Variants in RRP15 observed in about 807,000 individuals in gnomAD.
RRP15 encodes the protein ribosomal RNA processing 15 homolog, also known as RRP15-like protein.
Under a neutral mutation model 27.1 loss-of-function variants are expected in RRP15, and 18 were observed. That is an observed-to-expected ratio of 0.66 (90% CI 0.46 to 0.98). The LOEUF is 0.98. Ranked by LOEUF, RRP15 falls within the 50% of genes least tolerant of loss-of-function variation. RRP15 has a pLI of 0.00. For missense variants in RRP15, 359 were observed against 337.8 expected, an observed-to-expected ratio of 1.06 and a Z score of -0.49; for synonymous variants, 107 against 109.4, an observed-to-expected ratio of 0.98 and a Z score of 0.14.
rs184373002 is a variant in RRP15 at position 218,309,039 on chromosome 1, C to T, written c.705+1407C>T. The stretch of plus-strand genomic sequence containing the variant: ...ATTTCTTTCATGAGTTATGAAAATA[C>T]ACAACAGATTCTTTCCACTGGCATT... On this transcript the variant is annotated intron_variant, in intron 4 of 4. Coordinates refer to ENST00000366932, the MANE Select transcript of RRP15 (RefSeq NM_016052.4). Among the ~76,000 whole-genome samples, 443 of 152,240 alleles carry T rather than the reference C, an allele frequency of 2.9e-3. 2 individuals carry two copies. The highest frequency in any genetic ancestry group is 0.01 in the African/African-American group (423 of 41,534).
chr1:218,312,473 A>C (rs192731456), intron 4 of RRP15, among the ~76,000 whole-genome samples: 38 of 152,224 alleles, frequency 2.5e-4, no homozygotes, highest in African/African-American at 9.1e-4. Flanking sequence ...CTGTTAGTGG[A>C]TGTGAGAAGA....
Position 218,302,470 on chromosome 1 carries a change from G to A in RRP15, c.316G>A (p.Glu106Lys). Residue 106 changes from glutamate to lysine, a missense_variant, in exon 2 of 5, where the codon GAA (glutamate) becomes AAA (lysine). By Grantham distance (56) the Glu-to-Lys change is moderately conservative. Coordinates refer to ENST00000366932, the MANE Select transcript of RRP15 (RefSeq NM_016052.4). ...TAAAGTCCTCAACAAGAAAACTCCT[G>A]AAAGTAAACCTACTATTCTGGTCAA... ...MAKVLNKKTP[E>K]SKPTILVKNK... 2 of 1,614,096 alleles carry A rather than the reference G, an allele frequency of 1.2e-6. No homozygotes were observed. Among genetic ancestry groups the A allele is most frequent in the Non-Finnish European group, 1.7e-6 (2 of 1,179,998 alleles).
intron 1 of RRP15, among the ~76,000 whole-genome samples, chr1:218,290,110 G>A (rs1412689203): frequency 6.6e-6 from 1 of 152,092 alleles, no homozygotes; most frequent in African/African-American, 2.4e-5. Flanking sequence ...GGACCATTCT[G>A]AGTTTTGTTT....
chr1:218,303,155 A>G (rs936648831), intron 2 of RRP15, among the ~76,000 whole-genome samples: 1 of 152,206 alleles, frequency 6.6e-6, no homozygotes, highest in Non-Finnish European at 1.5e-5. Context: ...AAAGCTAAAA[A>G]TCCATGATAA....
chr1:218,295,923 T>C (rs563714874), intron 1 of RRP15, among the ~76,000 whole-genome samples: 1 of 152,262 alleles, frequency 6.6e-6, no homozygotes, highest in East Asian at 1.9e-4. Context: ...TTTTTTTTTT[T>C]GAAGTTTTAA....
chr1:218,316,985 T>C (rs528969724), intron 4 of RRP15, among the ~76,000 whole-genome samples: 22 of 152,354 alleles, frequency 1.4e-4, no homozygotes, highest in African/African-American at 5.3e-4. Flanking sequence ...AAAACTAGAT[T>C]TGAAGGAACT....
At chr1:218,322,639 C>A (rs1656204698) in intron 4 of RRP15, among the ~76,000 whole-genome samples, 1 of 151,986 alleles carries the variant, frequency 6.6e-6, no homozygotes, top group Non-Finnish European at 1.5e-5. Flanking sequence ...CCCCATTCTG[C>A]CTACTCTTCA....
intron 1 of RRP15, among the ~76,000 whole-genome samples, chr1:218,299,496 T>G (rs952383013): frequency 1.3e-5 from 2 of 152,180 alleles, no homozygotes; most frequent in Non-Finnish European, 2.9e-5. Flanking sequence ...TCAGAAAGTG[T>G]TTCGGCTTGC....
intron 4 of RRP15, among the ~76,000 whole-genome samples, chr1:218,319,212 C>A (rs974079996): frequency 6.6e-6 from 1 of 151,812 alleles, no homozygotes; most frequent in African/African-American, 2.4e-5. Context: ...TTACAGGCGC[C>A]CGCCACGACG....
intron 1 of RRP15, among the ~76,000 whole-genome samples, chr1:218,293,082 G>A (rs992401337): frequency 2.0e-5 from 3 of 148,760 alleles, no homozygotes; most frequent in African/African-American, 7.5e-5. Context: ...GGTGTGCAGT[G>A]TGGCATGATC....
chr1:218,322,372 C>T (rs1250875820), intron 4 of RRP15, among the ~76,000 whole-genome samples: 4 of 152,034 alleles, frequency 2.6e-5, no homozygotes. Context: ...TGTGTTTGAC[C>T]CTTTTTCATT....
chr1:218,320,680 AGTT>A (rs1656173696), intron 4 of RRP15, among the ~76,000 whole-genome samples: 1 of 152,086 alleles, frequency 6.6e-6, no homozygotes. Context: ...TATAAAATCA[AGTT>A]GTTTTCCACC....
At chr1:218,307,172 C>T (rs1357328783) in intron 3 of RRP15, among the ~76,000 whole-genome samples, 1 of 152,152 alleles carries the variant, frequency 6.6e-6, no homozygotes, top group East Asian at 1.9e-4. Context: ...AAAAATCTTT[C>T]TTGGAGTGAA....
intron 1 of RRP15, among the ~76,000 whole-genome samples, chr1:218,297,816 G>A (rs553194742): frequency 6.6e-6 from 1 of 152,246 alleles, no homozygotes; most frequent in South Asian, 2.1e-4. Flanking sequence ...CAGCTATTTG[G>A]CCTTTTATTG....
chr1:218,300,955 C>CTTA (rs1655801445), intron 1 of RRP15, among the ~76,000 whole-genome samples: 1 of 152,296 alleles, frequency 6.6e-6, no homozygotes, highest in Middle Eastern at 3.4e-3. Context: ...AGGAAACCTG[C>CTTA]TTATGCCTTG....
chr1:218,313,721 G>A (rs1234002418), intron 4 of RRP15, among the ~76,000 whole-genome samples: 1 of 152,264 alleles, frequency 6.6e-6, no homozygotes, highest in Admixed American at 6.5e-5. Context: ...TCTTAGTAGG[G>A]TTCCTGAATC....
intron 1 of RRP15, among the ~76,000 whole-genome samples, chr1:218,289,174 C>CTTTT (rs1278343067): frequency 6.6e-6 from 1 of 152,162 alleles, no homozygotes; most frequent in East Asian, 1.9e-4. Context: ...AGTCCCATCT[C>CTTTT]TTTTTGCCAA....
intron 4 of RRP15, among the ~76,000 whole-genome samples, chr1:218,311,741 G>C (rs967166494): frequency 2.0e-5 from 3 of 152,180 alleles, no homozygotes; most frequent in Admixed American, 2.0e-4. Flanking sequence ...GCATTTTAGT[G>C]ATGGCACAGT....
At chr1:218,314,803 C>A (rs1416576444) in intron 4 of RRP15, among the ~76,000 whole-genome samples, 1 of 151,534 alleles carries the variant, frequency 6.6e-6, no homozygotes, top group African/African-American at 2.4e-5. Context: ...CCATCCTGGC[C>A]AACATGGTGA....
Sources: gnomAD v4.1 joint callset for allele counts (sites outside exome capture counted in the v4.1 genomes callset) on GRCh38, gnomAD v4.1.1 for gene constraint, MANE v1.5 for transcripts, NCBI Gene and HGNC (gene_info 2026-07-23, HGNC 2026-07-21) for gene names.